Variants in DCC observed in about 807,000 individuals in gnomAD.
DCC encodes the protein netrin receptor DCC.
Under a neutral mutation model 172.5 loss-of-function variants are expected in DCC, and 58 were observed. The observed-to-expected ratio is 0.34, with a 90% CI of 0.27 to 0.42. The LOEUF (loss-of-function observed/expected upper bound fraction) is 0.42. DCC is among the 10% of genes least tolerant of loss of function. DCC has a pLI of 1.00. For synonymous variants in DCC, 709 were observed against 644.5 expected (o/e 1.10, Z -1.52); for missense variants, 1,740 against 1,791.0 (o/e 0.97, Z 0.51).
intron 2 of DCC, among the ~76,000 whole-genome samples, chr18:52,866,929 C>T (rs1452369962): frequency 6.6e-6 from 1 of 152,082 alleles, no homozygotes; most frequent in Non-Finnish European, 1.5e-5. Flanking sequence ...GAATAAGAGT[C>T]GTGAGAGAAG....
intron 5 of DCC, among the ~76,000 whole-genome samples, chr18:52,925,708 A>G (rs1282207667): frequency 6.6e-6 from 1 of 151,996 alleles, no homozygotes; most frequent in Non-Finnish European, 1.5e-5. Context: ...AAATTGTACA[A>G]AATATTTATC....
intron 5 of DCC, among the ~76,000 whole-genome samples, chr18:53,049,809 G>A (rs866618234): frequency 2.0e-5 from 3 of 151,998 alleles, no homozygotes; most frequent in Non-Finnish European, 2.9e-5. Flanking sequence ...GTTCTCTAGA[G>A]GGACGAAATG....
chr18:53,043,823 C>T (rs1307631974), intron 5 of DCC, among the ~76,000 whole-genome samples: 1 of 151,866 alleles, frequency 6.6e-6, no homozygotes, highest in Admixed American at 6.6e-5. Flanking sequence ...ACTATTAATT[C>T]TGTGGATAAA....
intron 5 of DCC, among the ~76,000 whole-genome samples, chr18:52,963,322 G>A (rs1258240663): frequency 6.6e-6 from 1 of 151,288 alleles, no homozygotes; most frequent in African/African-American, 2.4e-5. Context: ...AAAAGGCCCG[G>A]TGTGAAAAAT....
At chr18:52,967,400 A>C (rs531263121) in intron 5 of DCC, among the ~76,000 whole-genome samples, 2 of 152,162 alleles carry the variant, frequency 1.3e-5, no homozygotes, top group African/African-American at 4.8e-5. Flanking sequence ...TAATTACTCA[A>C]ATGTCAAAAG....
chr18:53,232,708 T>A (rs1230941426), intron 12 of DCC, among the ~76,000 whole-genome samples: 3 of 152,154 alleles, frequency 2.0e-5, no homozygotes, highest in Non-Finnish European at 4.4e-5. Flanking sequence ...GCTCAATTAT[T>A]TGACACACCA....
intron 5 of DCC, among the ~76,000 whole-genome samples, chr18:52,957,339 T>C (rs2040761543): frequency 6.6e-6 from 1 of 151,696 alleles, no homozygotes; most frequent in Non-Finnish European, 1.5e-5. Context: ...CATTTATAAA[T>C]AATTATAATA....
chr18:53,474,305 A>G (rs2045735160), intron 25 of DCC, among the ~76,000 whole-genome samples: 1 of 152,212 alleles, frequency 6.6e-6, no homozygotes, highest in African/African-American at 2.4e-5. Flanking sequence ...ATACAAAACA[A>G]TATGGATAAT....
chr18:52,607,891 A>T (rs1221881), intron 1 of DCC, among the ~76,000 whole-genome samples: 123,698 of 152,098 alleles, frequency 0.81, 51,049 homozygotes, highest in Middle Eastern at 0.91. Context: ...ACACTTGAGT[A>T]GGGCCTTGAA....
At chr18:52,519,104 A>T (rs144304798) in intron 1 of DCC, among the ~76,000 whole-genome samples, 4 of 152,330 alleles carry the variant, frequency 2.6e-5, no homozygotes, top group African/African-American at 4.8e-5. Context: ...TTTCTGAATG[A>T]CAACTTTTCT....
intron 5 of DCC, among the ~76,000 whole-genome samples, chr18:53,030,817 C>T (rs1006703483): frequency 6.6e-6 from 1 of 152,182 alleles, no homozygotes; most frequent in Non-Finnish European, 1.5e-5. Flanking sequence ...GAAATGCATT[C>T]TTAGGAGAAA....
At chr18:52,713,866 C>T (rs981991349) in intron 1 of DCC, among the ~76,000 whole-genome samples, 10 of 152,138 alleles carry the variant, frequency 6.6e-5, no homozygotes, top group African/African-American at 2.4e-4. Context: ...AAAACACACT[C>T]TGTGTCAGGG....
chr18:52,720,665 AG>A (rs1426171697), intron 1 of DCC, among the ~76,000 whole-genome samples: 1 of 152,222 alleles, frequency 6.6e-6, no homozygotes, highest in African/African-American at 2.4e-5. Flanking sequence ...AGGTGAATGA[AG>A]GGGAGATGAA....
chr18:53,141,774 T>C (rs187423430), intron 7 of DCC, among the ~76,000 whole-genome samples: 224 of 152,324 alleles, frequency 1.5e-3, no homozygotes, highest in African/African-American at 4.9e-3. Context: ...TCCATGGTTG[T>C]GTGTTTACAA....
At chr18:52,581,491 T>C (rs1252960817) in intron 1 of DCC, among the ~76,000 whole-genome samples, 1 of 152,264 alleles carries the variant, frequency 6.6e-6, no homozygotes, top group African/African-American at 2.4e-5. Context: ...GCTCAATAAA[T>C]ATTTGTGGAA....
chr18:52,906,140 C>A lies in DCC; in HGVS notation c.509C>A (p.Thr170Lys). The A allele has an allele frequency of 1.2e-6, 2 of 1,614,046 alleles. No homozygotes were observed. The highest frequency in any genetic ancestry group is 1.7e-5 in the Admixed American group (1 of 60,008). The change falls in exon 3 of 29, where the codon ACA (threonine) becomes AAA (lysine). Residue 170 changes from threonine (T) to lysine (K), a missense_variant. Thr to Lys is a moderately conservative substitution (Grantham distance 78). This residue lies in a region of DCC where 1,732 missense variants were observed against 1,767.4 expected (regional missense o/e 0.98). Coordinates refer to ENST00000442544, the MANE Select transcript of DCC (RefSeq NM_005215.4). Reference sequence around the variant, plus strand: ...GAAGTCATTGGGGAGCCCATGCCAACAATCCACTGGCAGAAGAACCAACAA... The same window carrying A: ...GAAGTCATTGGGGAGCCCATGCCAAAAATCCACTGGCAGAAGAACCAACAA... ...KCEVIGEPMP[T>K]IHWQKNQQDL...
At chr18:53,225,748 G>T (rs1598923408) in intron 12 of DCC, among the ~76,000 whole-genome samples, 1 of 152,288 alleles carries the variant, frequency 6.6e-6, no homozygotes. Flanking sequence ...ATTTGAGACT[G>T]GTTGTCATGA....
chr18:52,364,012 C>T (rs1449681751), intron 1 of DCC, among the ~76,000 whole-genome samples: 1 of 152,156 alleles, frequency 6.6e-6, no homozygotes, highest in African/African-American at 2.4e-5. Flanking sequence ...TTCTCTGGCC[C>T]CCTGAGACTG....
intron 1 of DCC, among the ~76,000 whole-genome samples, chr18:52,740,133 C>T (rs561734989): frequency 4.6e-5 from 7 of 152,144 alleles, no homozygotes; most frequent in African/African-American, 1.7e-4. Flanking sequence ...ATAAGTTGCA[C>T]ATATAGACGC....
Sources: gnomAD v4.1 joint callset for allele counts (sites outside exome capture counted in the v4.1 genomes callset) on GRCh38, gnomAD v4.1.1 for gene constraint, gnomAD v4.1.1 regional missense constraint, MANE v1.5 for transcripts, NCBI Gene and HGNC (gene_info 2026-07-23, HGNC 2026-07-21) for gene names.